PGM5: variants seen among roughly 807,000 people sequenced by gnomAD.
PGM5 encodes phosphoglucomutase-like protein 5.
Under a neutral mutation model 59.2 loss-of-function variants are expected in PGM5, and 23 were observed. The observed-to-expected ratio is 0.39, with a 90% CI of 0.28 to 0.55. The LOEUF is 0.55. Ranked by LOEUF, PGM5 falls within the 20% of genes least tolerant of loss-of-function variation. The pLI is 0.66. For synonymous variants in PGM5, 214 were observed against 286.0 expected (o/e 0.75, Z 2.54); for missense variants, 574 against 748.3 (o/e 0.77, Z 2.72).
At chr9:68,512,934 T>A (rs1824774206) in intron 10 of PGM5, among the ~76,000 whole-genome samples, 1 of 152,238 alleles carries the variant, frequency 6.6e-6, no homozygotes, top group South Asian at 2.1e-4. Flanking sequence ...TTTTAACATG[T>A]CACAAAATCT....
chr9:68,380,971 C>T (rs571739886), intron 2 of PGM5, among the ~76,000 whole-genome samples: 1 of 151,760 alleles, frequency 6.6e-6, no homozygotes, highest in Non-Finnish European at 1.5e-5. Context: ...AGCCTAGGAC[C>T]AAACGGCTTC....
chr9:68,459,154 C>T (rs1175315836), intron 6 of PGM5, among the ~76,000 whole-genome samples: 1 of 152,296 alleles, frequency 6.6e-6, no homozygotes, highest in Non-Finnish European at 1.5e-5. Flanking sequence ...CTAATTCAAA[C>T]ATGCACTTAG....
At chr9:68,488,314 T>C (rs1248173467) in intron 9 of PGM5, among the ~76,000 whole-genome samples, 1 of 152,196 alleles carries the variant, frequency 6.6e-6, no homozygotes, top group Admixed American at 6.5e-5. Context: ...GTCTCCTTTA[T>C]GTCCTTGACC....
At chr9:68,401,357 T>C (rs1822662052) in intron 6 of PGM5, among the ~76,000 whole-genome samples, 1 of 151,632 alleles carries the variant, frequency 6.6e-6, no homozygotes, top group African/African-American at 2.4e-5. Flanking sequence ...GAACCTTTTT[T>C]GGAAGTCAGC....
At position 68,407,334 on chromosome 9, in the gene PGM5, C is replaced by T. The variant is rs2480129; in HGVS notation, c.1043+14861C>T. Among the ~76,000 whole-genome samples the T allele has an allele frequency of 2.2e-4, 33 of 151,946 alleles. No individual in the cohort carries two copies. In the East Asian group the frequency reaches 2.3e-3, roughly 11 times the overall value. ...TTTTTGTAGAGACAAGGTCTCACTA[C>T]GCTGCCTAGGCTCGTCTCAAACTCC... On this transcript the variant is annotated intron_variant, in intron 6 of 10. Coordinates refer to ENST00000396396, the MANE Select transcript of PGM5 (RefSeq NM_021965.4).
intron 1 of PGM5, among the ~76,000 whole-genome samples, chr9:68,358,472 C>A (rs1348114187): frequency 1.3e-5 from 2 of 152,114 alleles, no homozygotes; most frequent in African/African-American, 4.8e-5. Flanking sequence ...ATGTGGGAAA[C>A]ATCGTCTAAA....
At chr9:68,483,741 A>C in intron 8 of PGM5, 124 bp from the exon 9 acceptor site, 1 of 744,062 alleles carries the variant, frequency 1.3e-6, no homozygotes. Flanking sequence ...AGGGGAGATG[A>C]GTTGAAGGTG....
chr9:68,359,538 G>A (rs1834536743), intron 1 of PGM5, among the ~76,000 whole-genome samples: 1 of 152,196 alleles, frequency 6.6e-6, no homozygotes, highest in African/African-American at 2.4e-5. Context: ...CAGGAGAAAG[G>A]TGGTCTAAAA....
intron 1 of PGM5, among the ~76,000 whole-genome samples, chr9:68,372,839 G>C (rs1204970399): frequency 6.6e-6 from 1 of 152,104 alleles, no homozygotes; most frequent in Non-Finnish European, 1.5e-5. Context: ...GAGAACAAAA[G>C]AGAAGGTGCC....
chr9:68,526,655 C>A (rs1952456), intron 10 of PGM5, among the ~76,000 whole-genome samples: 1 of 152,146 alleles, frequency 6.6e-6, no homozygotes, highest in South Asian at 2.1e-4. Context: ...TAATATCTGT[C>A]TTTGATTCCT....
intron 6 of PGM5, among the ~76,000 whole-genome samples, chr9:68,401,472 C>T (rs1822664997): frequency 6.6e-6 from 1 of 152,164 alleles, no homozygotes; most frequent in Non-Finnish European, 1.5e-5. Flanking sequence ...TTTCAGCCCT[C>T]CCAACGATGT....
intron 6 of PGM5, among the ~76,000 whole-genome samples, chr9:68,452,545 T>G (rs1223301748): frequency 6.6e-6 from 1 of 152,224 alleles, no homozygotes; most frequent in East Asian, 1.9e-4. Context: ...TCGGTCTCAG[T>G]GCAGGTAGCA....
chr9:68,395,833 T>C (rs1394821636), intron 6 of PGM5: 6 of 152,090 alleles, frequency 3.9e-5, no homozygotes, highest in African/African-American at 1.4e-4. Context: ...CTTGTCTCCC[T>C]GAGGTGATAT....
intron 6 of PGM5, among the ~76,000 whole-genome samples, chr9:68,432,205 A>ATT (rs545419085): frequency 1.4e-5 from 2 of 146,634 alleles, no homozygotes; most frequent in Non-Finnish European, 3.0e-5. Context: ...TTATTTTTTA[A>ATT]TTTTTTTTTT....
chr9:68,474,659 T>C (rs1427044862), intron 7 of PGM5, among the ~76,000 whole-genome samples: 1 of 151,780 alleles, frequency 6.6e-6, no homozygotes, highest in Admixed American at 6.6e-5. Context: ...TGGATGGAGA[T>C]GGCTGCTTCT....
At chr9:68,473,153 A>G (rs942438905) in intron 7 of PGM5, among the ~76,000 whole-genome samples, 1 of 152,214 alleles carries the variant, frequency 6.6e-6, no homozygotes, top group Non-Finnish European at 1.5e-5. Context: ...CAAATCTCAG[A>G]TCCACCCAAA....
chr9:68,454,983 C>G (rs1564009937), intron 6 of PGM5, among the ~76,000 whole-genome samples: 1 of 152,208 alleles, frequency 6.6e-6, no homozygotes, highest in Non-Finnish European at 1.5e-5. Flanking sequence ...AAACTCAAAC[C>G]TGGGTGACCG....
intron 6 of PGM5, among the ~76,000 whole-genome samples, chr9:68,447,435 A>C (rs1238312276): frequency 6.6e-5 from 10 of 152,170 alleles, no homozygotes; most frequent in African/African-American, 2.4e-4. Flanking sequence ...AGAGAGAGAG[A>C]GAGCTGGCTT....
chr9:68,452,774 C>T (rs1188785295), intron 6 of PGM5, among the ~76,000 whole-genome samples: 1 of 152,200 alleles, frequency 6.6e-6, no homozygotes. Context: ...GGCAGGGCTG[C>T]CCTTCCCTGC....
Sources: gnomAD v4.1 joint callset for allele counts (sites outside exome capture counted in the v4.1 genomes callset) on GRCh38, gnomAD v4.1.1 for gene constraint, MANE v1.5 for transcripts, NCBI Gene and HGNC (gene_info 2026-07-23, HGNC 2026-07-21) for gene names.